PPARGC1A: variants seen among roughly 807,000 people sequenced by gnomAD.
The protein encoded by PPARGC1A is PPARG coactivator 1 alpha, also known as peroxisome proliferator-activated receptor gamma coactivator 1-alpha.
In PPARGC1A, 25 loss-of-function variants were observed where a neutral mutation model predicts 88.7. The observed-to-expected ratio is 0.28, with a 90% CI of 0.21 to 0.39. The LOEUF (loss-of-function observed/expected upper bound fraction) is 0.39. Among genes scored for constraint, PPARGC1A ranks in the 10% least tolerant of loss-of-function variants. The pLI is 1.00. For synonymous variants in PPARGC1A, 363 were observed against 355.6 expected, an observed-to-expected ratio of 1.02 and a Z score of -0.24; for missense variants, 880 against 968.7, an observed-to-expected ratio of 0.91 and a Z score of 1.22.
chr4:24,400,080 C>T, the PPARGC1A span, among the ~76,000 whole-genome samples: 2 of 152,300 alleles, frequency 1.3e-5, no homozygotes, highest in Admixed American at 6.5e-5. Context: ...GCCACCACAC[C>T]TGGGGGAGGA....
chr4:24,186,731 T>C, the PPARGC1A span, among the ~76,000 whole-genome samples: 1 of 152,074 alleles, frequency 6.6e-6, no homozygotes, highest in Non-Finnish European at 1.5e-5. Context: ...TGGGGCACGA[T>C]GGCTCTTTCA....
the PPARGC1A span, among the ~76,000 whole-genome samples, chr4:24,431,035 G>A: frequency 7.0e-6 from 1 of 143,576 alleles, no homozygotes; most frequent in Non-Finnish European, 1.5e-5. Flanking sequence ...TGACGTGGGA[G>A]AATCACTTGA....
At chr4:24,056,532 A>AT in the PPARGC1A span, among the ~76,000 whole-genome samples, 2 of 152,156 alleles carry the variant, frequency 1.3e-5, no homozygotes, top group Admixed American at 6.6e-5. Context: ...AAAAGCACTC[A>AT]TTTTTTTGTT....
chr4:24,442,598 G>A, the PPARGC1A span, among the ~76,000 whole-genome samples: 1 of 152,180 alleles, frequency 6.6e-6, no homozygotes, highest in East Asian at 1.9e-4. Context: ...TTGACAGCAG[G>A]TGATAATTCG....
the PPARGC1A span, among the ~76,000 whole-genome samples, chr4:24,427,472 G>T: frequency 6.6e-6 from 1 of 151,958 alleles, no homozygotes; most frequent in Non-Finnish European, 1.5e-5. Context: ...GTAGAGAGGG[G>T]TTCCACCATG....
the PPARGC1A span, among the ~76,000 whole-genome samples, chr4:24,395,931 T>C: frequency 2.0e-5 from 3 of 152,222 alleles, no homozygotes; most frequent in African/African-American, 4.8e-5. Flanking sequence ...ATTATTTTTC[T>C]CTCCACCTGC....
chr4:24,223,088 TA>T, the PPARGC1A span, among the ~76,000 whole-genome samples: 1,232 of 152,246 alleles, frequency 8.1e-3, 24 homozygotes, highest in East Asian at 0.08. Flanking sequence ...CAGTATGCTT[TA>T]AAAAATTATA....
chr4:24,265,528 G>A, the PPARGC1A span, among the ~76,000 whole-genome samples: 4 of 152,050 alleles, frequency 2.6e-5, no homozygotes, highest in South Asian at 2.1e-4. Flanking sequence ...TTTATTATTC[G>A]AATGGCTTCA....
the PPARGC1A span, among the ~76,000 whole-genome samples, chr4:24,341,662 T>G: frequency 6.6e-6 from 1 of 151,984 alleles, no homozygotes; most frequent in African/African-American, 2.4e-5. Flanking sequence ...GAAGGATAAA[T>G]GGAAGTTACT....
the PPARGC1A span, among the ~76,000 whole-genome samples, chr4:24,296,087 TACACAC>T: frequency 6.6e-6 from 1 of 151,070 alleles, no homozygotes; most frequent in Non-Finnish European, 1.5e-5. Flanking sequence ...TGTACATATA[TACACAC>T]ATACATATAT....
At chr4:24,048,603 A>G in the PPARGC1A span, among the ~76,000 whole-genome samples, 1 of 152,240 alleles carries the variant, frequency 6.6e-6, no homozygotes, top group African/African-American at 2.4e-5. Context: ...ACAGGATTCA[A>G]GCCAGTCTTG....
At chr4:24,407,131 G>A in the PPARGC1A span, among the ~76,000 whole-genome samples, 133 of 152,240 alleles carry the variant, frequency 8.7e-4, no homozygotes, top group African/African-American at 2.8e-3. Context: ...AAGTCTTCAC[G>A]AAAGGCACAA....
chr4:24,012,814 C>T, the PPARGC1A span, among the ~76,000 whole-genome samples: 5 of 152,130 alleles, frequency 3.3e-5, no homozygotes, highest in Non-Finnish European at 5.9e-5. Flanking sequence ...TCCAACTGGA[C>T]TATCAATGGA....
At chr4:24,265,855 A>G in the PPARGC1A span, among the ~76,000 whole-genome samples, 2 of 152,016 alleles carry the variant, frequency 1.3e-5, no homozygotes, top group African/African-American at 2.4e-5. Flanking sequence ...AATAGAGAGA[A>G]AGAGAGAGAA....
In PPARGC1A at chr4:23,814,020, T is replaced by C. The variant is rs747933720; in HGVS notation, c.1463A>G (p.Asp488Gly). Residue 488 changes from aspartate (D) to glycine (G), a missense_variant, in exon 8 of 13, where the codon GAT (aspartate) becomes GGT (glycine). Transcript: ENST00000264867. ...TTTGGAGAATTGTTCATTACTGAAA[T>C]CACTGTCCCTCAGTTCACCGGTCTT... Reference protein sequence around the residue: ...ADKTGELRDSDFSNEQFSKLP... With the variant: ...ADKTGELRDSGFSNEQFSKLP... 1.2e-6 allele frequency: 2 copies of C among 1,613,934 alleles called. No individual in the cohort carries two copies. Among genetic ancestry groups the C allele is most frequent in the East Asian group, 2.2e-5 (1 of 44,876 alleles).
At chr4:23,890,322 C>T (rs2148854279), upstream of PPARGC1A, 1 of 200,438 alleles carries the variant, frequency 5.0e-6, no homozygotes, top group East Asian at 1.2e-4. Flanking sequence ...GCTTTGAATG[C>T]CACAGACTCT....
the PPARGC1A span, chr4:24,091,582 C>G: frequency 3.0e-6 from 3 of 985,408 alleles, no homozygotes; most frequent in Non-Finnish European, 3.6e-6. Context: ...GGCTGTTACT[C>G]TCTCTCCTTG....
the PPARGC1A span, among the ~76,000 whole-genome samples, chr4:24,265,436 G>A: frequency 1.3e-4 from 20 of 152,238 alleles, no homozygotes; most frequent in East Asian, 1.9e-4. Flanking sequence ...CCCTTAAAAT[G>A]AGTTTTGTTA....
chr4:23,923,306 G>A, the PPARGC1A span, among the ~76,000 whole-genome samples: 1 of 151,872 alleles, frequency 6.6e-6, no homozygotes, highest in African/African-American at 2.4e-5. Context: ...ACAGAAACGT[G>A]GTTGTATGCT....
Sources: gnomAD v4.1 joint callset for allele counts (sites outside exome capture counted in the v4.1 genomes callset) on GRCh38, gnomAD v4.1.1 for gene constraint, MANE v1.5 for transcripts, NCBI Gene and HGNC (gene_info 2026-07-23, HGNC 2026-07-21) for gene names.